Variants in IKZF2 observed in about 807,000 individuals in gnomAD.
IKZF2 encodes the protein zinc finger protein Helios.
In IKZF2, 15 loss-of-function variants were observed where a neutral mutation model predicts 49.2. The ratio of observed to expected loss-of-function variants is 0.30; its 90% CI spans 0.20 to 0.47. IKZF2 has a LOEUF of 0.47. Among genes scored for constraint, IKZF2 ranks in the 20% least tolerant of loss-of-function variants. The pLI is 1.00. For missense variants in IKZF2, 567 were observed against 664.6 expected (o/e 0.85, Z 1.61); for synonymous variants, 227 against 221.4 (o/e 1.03, Z -0.23).
At chr2:213,105,070 C>G (rs2059478960) in intron 4 of IKZF2, among the ~76,000 whole-genome samples, 1 of 152,084 alleles carries the variant, frequency 6.6e-6, no homozygotes, top group Admixed American at 6.6e-5. Context: ...CAAAGGAGCT[C>G]ATTGCTTTCC....
chr2:213,085,421 T>A (rs1704470580), intron 4 of IKZF2, among the ~76,000 whole-genome samples: 2 of 152,194 alleles, frequency 1.3e-5, no homozygotes, highest in African/African-American at 4.8e-5. Context: ...ATTAATGTAT[T>A]TCAATATGAT....
chr2:213,139,653 T>C (rs2060799016), intron 4 of IKZF2, among the ~76,000 whole-genome samples: 1 of 152,098 alleles, frequency 6.6e-6, no homozygotes, highest in Middle Eastern at 3.4e-3. Context: ...TTAATGTCAG[T>C]CAACCTTGAG....
At chr2:213,024,521 T>C (rs957027034) in intron 6 of IKZF2, among the ~76,000 whole-genome samples, 2 of 152,090 alleles carry the variant, frequency 1.3e-5, no homozygotes, top group Admixed American at 1.3e-4. Context: ...TAGTATAACA[T>C]GGGGAAACTA....
rs773129948 is a variant in IKZF2 at position 213,007,595 on chromosome 2, G to A, written c.1346C>T (p.Ala449Val). The A allele has an allele frequency of 3.7e-6, 6 of 1,613,720 alleles. No individual in the cohort carries two copies. In the Admixed American group the frequency reaches 1.0e-4, roughly 27 times the overall value. The stretch of plus-strand genomic sequence containing the variant: ...GATGTCCTTCAGAGAGCCCTTAGGA[G>A]CCTTGGTAGTATCCAAAGCTTTGAC... The part of the protein sequence containing the change: ...EDVKALDTTK[A>V]PKGSLKDIYK... Residue 449 changes from alanine to valine, a missense_variant, in exon 9 of 9, where the codon GCT (alanine) becomes GTT (valine). By Grantham distance (64) the Ala-to-Val change is moderately conservative (BLOSUM62 0). Coordinates refer to ENST00000434687, the MANE Select transcript of IKZF2 (RefSeq NM_001387220.1).
chr2:213,034,863 G>T (rs372745500), intron 6 of IKZF2, among the ~76,000 whole-genome samples: 26 of 152,312 alleles, frequency 1.7e-4, no homozygotes, highest in African/African-American at 5.5e-4. Context: ...GCAGTTATCT[G>T]TGAAGTGCAA....
chr2:213,135,541 G>A (rs185142269), intron 4 of IKZF2, among the ~76,000 whole-genome samples: 63 of 151,858 alleles, frequency 4.1e-4, no homozygotes, highest in African/African-American at 1.4e-3. Flanking sequence ...AAAAAAAATT[G>A]TTAAAAATTA....
intron 5 of IKZF2, 149 bp downstream of exon 5, chr2:213,056,684 T>C: frequency 2.1e-6 from 2 of 931,770 alleles, no homozygotes; most frequent in Non-Finnish European, 3.4e-6. Flanking sequence ...GGCTACTCTC[T>C]GTTTTTCTGC....
At chr2:213,082,235 G>T (rs1559249527) in intron 4 of IKZF2, among the ~76,000 whole-genome samples, 1 of 152,142 alleles carries the variant, frequency 6.6e-6, no homozygotes, top group Non-Finnish European at 1.5e-5. Context: ...GCTTGCAATA[G>T]AAAAACTATT....
intron 4 of IKZF2, among the ~76,000 whole-genome samples, chr2:213,136,468 A>G (rs1462008553): frequency 6.6e-6 from 1 of 152,012 alleles, no homozygotes; most frequent in African/African-American, 2.4e-5. Flanking sequence ...ATCTATAGTA[A>G]AATAGTATTC....
At chr2:213,100,030 T>C (rs1200349875) in intron 4 of IKZF2, among the ~76,000 whole-genome samples, 1 of 152,136 alleles carries the variant, frequency 6.6e-6, no homozygotes, top group South Asian at 2.1e-4. Context: ...TTTTGATATG[T>C]TTATATTTTA....
At chr2:213,067,371 G>A (rs564441973) in intron 4 of IKZF2, among the ~76,000 whole-genome samples, 1 of 152,090 alleles carries the variant, frequency 6.6e-6, no homozygotes, top group East Asian at 1.9e-4. Flanking sequence ...AGTTGGATAT[G>A]ACTTATATAA....
chr2:213,151,799 CGCGCGTGCGTGTGTGCGG>C (rs1187001186), upstream of IKZF2, among the ~76,000 whole-genome samples: 12 of 147,600 alleles, frequency 8.1e-5, no homozygotes, highest in Non-Finnish European at 1.7e-4. Flanking sequence ...CGTGCGTGCG[CGCGCGTGCGTGTGTGCGG>C]GGCCCGAGCG....
chr2:213,095,258 A>G (rs945375652), intron 4 of IKZF2, among the ~76,000 whole-genome samples: 2 of 152,144 alleles, frequency 1.3e-5, no homozygotes, highest in African/African-American at 2.4e-5. Flanking sequence ...TGGCCAAAAC[A>G]TATCATTAAA....
intron 4 of IKZF2, among the ~76,000 whole-genome samples, chr2:213,127,296 A>T (rs2060299886): frequency 6.6e-6 from 1 of 152,228 alleles, no homozygotes; most frequent in South Asian, 2.1e-4. Context: ...AGTTGAGGTC[A>T]TGCTGTTCTG....
intron 7 of IKZF2, among the ~76,000 whole-genome samples, chr2:213,016,544 T>C (rs1696622926): frequency 6.6e-6 from 1 of 152,146 alleles, no homozygotes; most frequent in Admixed American, 6.6e-5. Flanking sequence ...TGTGTATACA[T>C]TGCTAGAAAC....
chr2:213,125,424 G>C (rs115064151), intron 4 of IKZF2, among the ~76,000 whole-genome samples: 2 of 152,054 alleles, frequency 1.3e-5, no homozygotes, highest in East Asian at 3.8e-4. Flanking sequence ...TTAAAAAACC[G>C]TAATTAAGAA....
chr2:213,025,278 C>T (rs940371334), intron 6 of IKZF2, among the ~76,000 whole-genome samples: 1 of 152,086 alleles, frequency 6.6e-6, no homozygotes, highest in Non-Finnish European at 1.5e-5. Flanking sequence ...TCCCTCTTTG[C>T]TCTCTAAATG....
chr2:213,076,153 C>T (rs922096050), intron 4 of IKZF2, among the ~76,000 whole-genome samples: 1 of 151,604 alleles, frequency 6.6e-6, no homozygotes, highest in Non-Finnish European at 1.5e-5. Flanking sequence ...AAAAAGTGAA[C>T]GGAAGTAAAC....
At chr2:213,105,101 AGTGT>A (rs1340718490) in intron 4 of IKZF2, among the ~76,000 whole-genome samples, 1 of 152,084 alleles carries the variant, frequency 6.6e-6, no homozygotes, top group Non-Finnish European at 1.5e-5. Flanking sequence ...TCCTTTGAGT[AGTGT>A]CAAAAAGACT....
Sources: gnomAD v4.1 joint callset for allele counts (sites outside exome capture counted in the v4.1 genomes callset) on GRCh38, gnomAD v4.1.1 for gene constraint, MANE v1.5 for transcripts, NCBI Gene and HGNC (gene_info 2026-07-23, HGNC 2026-07-21) for gene names.